The following UBAP1 variants were observed in gnomAD, a reference collection of about 807,000 sequenced individuals.
UBAP1 encodes the protein ubiquitin-associated protein 1.
In UBAP1, 5 loss-of-function variants were observed where a neutral mutation model predicts 39.0. The observed-to-expected ratio is 0.13, with a 90% CI of 0.07 to 0.27. UBAP1 has a LOEUF of 0.27. Among genes scored for constraint, UBAP1 ranks in the 10% least tolerant of loss-of-function variants. The pLI, the probability that UBAP1 is intolerant of heterozygous loss-of-function variation, is 1.00. For synonymous variants in UBAP1, 211 were observed against 225.1 expected (o/e 0.94, Z 0.56); for missense variants, 490 against 608.1 (o/e 0.81, Z 2.04).
Position 34,185,471 on chromosome 9 carries a change from C to T in UBAP1, c.-8+6231C>T, listed in dbSNP as rs191685322. Among the ~76,000 whole-genome samples, 503 of 152,260 alleles carry T rather than the reference C, an allele frequency of 3.3e-3. 3 individuals are homozygous for T. Among genetic ancestry groups the T allele is most frequent in the African/African-American group, 0.011 (441 of 41,550 alleles). On this transcript the variant is annotated intron_variant, in intron 1 of 6. Coordinates refer to ENST00000297661, the MANE Select transcript of UBAP1 (RefSeq NM_016525.5). The stretch of plus-strand genomic sequence containing the variant: ...GGCTGAGGTAGGAGGATCACCTGAG[C>T]TCAGGAAGTCGAGGCTGCAGTGAGC...
chr9:34,217,045 C>T (rs1454539371), intron 1 of UBAP1, among the ~76,000 whole-genome samples: 1 of 152,064 alleles, frequency 6.6e-6, no homozygotes, highest in Non-Finnish European at 1.5e-5. Context: ...CCCACCTCTC[C>T]GGCCTCTGGT....
At chr9:34,200,390 T>C (rs1831300579) in intron 1 of UBAP1, among the ~76,000 whole-genome samples, 1 of 152,222 alleles carries the variant, frequency 6.6e-6, no homozygotes, top group African/African-American at 2.4e-5. Context: ...TCTTCATTCC[T>C]TTGTAAAGAC....
At position 34,233,225 on chromosome 9, in the gene UBAP1, C is replaced by CTTTTT. The variant is rs59367501; in HGVS notation, c.35-981_35-977dup. Among the ~76,000 whole-genome samples the CTTTTT allele has an allele frequency of 7.8e-5, 11 of 141,906 alleles. 1 individual carries two copies. The highest frequency in any genetic ancestry group is 1.1e-4 in the Non-Finnish European group (7 of 65,886). The allele number at this position is 141,906 out of a possible 152,430, so 93.1% of individuals were successfully genotyped here. On this transcript the variant is annotated intron_variant, in intron 2 of 6. Coordinates refer to ENST00000297661, the MANE Select transcript of UBAP1 (RefSeq NM_016525.5). The stretch of plus-strand genomic sequence containing the variant: ...TTAAGCTAGAGTAATTCTTTCTCTT[C>CTTTTT]TTTTTTTTTTTTTTGAGACAGAGTC...
intron 1 of UBAP1, among the ~76,000 whole-genome samples, chr9:34,206,665 T>TA (rs1334365790): frequency 6.6e-6 from 1 of 152,128 alleles, no homozygotes; most frequent in African/African-American, 2.4e-5. Context: ...CTTAGAAACT[T>TA]AGGTTATTTT....
Position 34,179,166 on chromosome 9 carries a change from C to A in UBAP1, c.-82C>A. The A allele has an allele frequency of 4.0e-6, 5 of 1,238,982 alleles. No homozygotes were observed. Among genetic ancestry groups the A allele is most frequent in the Non-Finnish European group, 5.1e-6 (5 of 989,886 alleles). 76.7% of individuals were successfully genotyped at this position (1,238,982 alleles called of 1,614,324 possible). A position where few individuals can be genotyped will look rare whatever the true frequency, so the allele number is the denominator to read the frequency against. On this transcript the variant is annotated 5_prime_UTR_variant, in exon 1 of 7. Transcript: ENST00000297661. ...TCCCTAGGGGCTGTCGGGAGCTCAG[C>A]GGGGACCGAGCCTGGGAGGCCGGCC...
intron 2 of UBAP1, among the ~76,000 whole-genome samples, chr9:34,228,464 A>G (rs1337935867): frequency 6.6e-6 from 1 of 151,848 alleles, no homozygotes; most frequent in Non-Finnish European, 1.5e-5. Context: ...CTGAGGCATA[A>G]TTGGTTATAT....
chr9:34,248,803 A>G (rs1480790424), intron 4 of UBAP1, among the ~76,000 whole-genome samples: 1 of 152,152 alleles, frequency 6.6e-6, no homozygotes, highest in Non-Finnish European at 1.5e-5. Context: ...CCACCTAACC[A>G]TGCTCCCTCT....
At chr9:34,218,455 A>G (rs903814764) in intron 1 of UBAP1, among the ~76,000 whole-genome samples, 2 of 151,992 alleles carry the variant, frequency 1.3e-5, no homozygotes, top group Non-Finnish European at 2.9e-5. Context: ...AGCTGATATC[A>G]CACAATTTTT....
intron 2 of UBAP1, among the ~76,000 whole-genome samples, chr9:34,231,588 T>A (rs564034431): frequency 6.6e-6 from 1 of 152,088 alleles, no homozygotes; most frequent in African/African-American, 2.4e-5. Flanking sequence ...TTTGGTGATA[T>A]AGATATGAAA....
At chr9:34,226,133 G>GTGTGTGTGTGTGTGTGTGTT (rs1833077467) in intron 2 of UBAP1, among the ~76,000 whole-genome samples, 5 of 143,250 alleles carry the variant, frequency 3.5e-5, no homozygotes, top group Non-Finnish European at 6.0e-5. Flanking sequence ...GTGTGTGTGT[G>GTGTGTGTGTGTGTGTGTGTT]TGTGTGTGTG....
At chr9:34,210,729 AAAAAATTT>A (rs1355085821) in intron 1 of UBAP1, among the ~76,000 whole-genome samples, 1 of 88,548 alleles carries the variant, frequency 1.1e-5, no homozygotes, top group Non-Finnish European at 2.5e-5. Context: ...TTAAAAAAAA[AAAAAATTT>A]TTTTTTTTTA....
intron 2 of UBAP1, chr9:34,223,977 C>G (rs551723046): frequency 5.0e-6 from 2 of 399,308 alleles, no homozygotes; most frequent in Non-Finnish European, 9.4e-6. Context: ...GAAGACAAAA[C>G]GAGGATTTAT....
At chr9:34,220,809 T>C (rs1265556758) in intron 1 of UBAP1, 99 bp from the exon 2 acceptor site, 2 of 1,041,032 alleles carry the variant, frequency 1.9e-6, no homozygotes. Context: ...CTGTCAGCCC[T>C]AAAACCTTAG....
chr9:34,227,805 T>C (rs367564144), intron 2 of UBAP1, among the ~76,000 whole-genome samples: 2 of 152,134 alleles, frequency 1.3e-5, no homozygotes, highest in East Asian at 3.8e-4. Flanking sequence ...CTAAAAGGTA[T>C]TTGAGGTTGA....
chr9:34,206,985 G>A (rs776825086), intron 1 of UBAP1, among the ~76,000 whole-genome samples: 1 of 151,542 alleles, frequency 6.6e-6, no homozygotes, highest in Non-Finnish European at 1.5e-5. Flanking sequence ...ATATCTGATA[G>A]GCTAGTCTCC....
intron 1 of UBAP1, among the ~76,000 whole-genome samples, chr9:34,199,624 C>T (rs1209958599): frequency 6.6e-6 from 1 of 151,240 alleles, no homozygotes; most frequent in African/African-American, 2.4e-5. Context: ...TTTCTTTCTT[C>T]TTCTTTTTTT....
chr9:34,243,423 G>A (rs1834059349), intron 4 of UBAP1, among the ~76,000 whole-genome samples: 1 of 152,020 alleles, frequency 6.6e-6, no homozygotes, highest in African/African-American at 2.4e-5. Context: ...CTTCTTGTTG[G>A]CTTGAGAATT....
chr9:34,209,641 C>T (rs1221552532), intron 1 of UBAP1, among the ~76,000 whole-genome samples: 1 of 152,106 alleles, frequency 6.6e-6, no homozygotes. Context: ...GTCTAGAAAC[C>T]ACTGATTTAT....
intron 1 of UBAP1, among the ~76,000 whole-genome samples, chr9:34,202,668 T>TGTGTGTGTGTGTGTGTGTGTGG (rs1831458492): frequency 6.8e-6 from 1 of 147,244 alleles, no homozygotes; most frequent in East Asian, 2.0e-4. Flanking sequence ...TGTGTGTGTG[T>TGTGTGTGTGTGTGTGTGTGTGG]GTGTGTGTGT....
Sources: gnomAD v4.1 joint callset for allele counts (sites outside exome capture counted in the v4.1 genomes callset) on GRCh38, gnomAD v4.1.1 for gene constraint, MANE v1.5 for transcripts, NCBI Gene and HGNC (gene_info 2026-07-23, HGNC 2026-07-21) for gene names.